ZNF124: variants seen among roughly 807,000 people sequenced by gnomAD.
ZNF124 encodes the protein zinc finger protein 124.
ZNF124 carries 25 observed loss-of-function variants against 26.6 expected under a neutral mutation model. The ratio of observed to expected loss-of-function variants is 0.94; its 90% CI spans 0.68 to 1.31. The LOEUF is 1.31. Among genes scored for constraint, ZNF124 ranks in the 40% most tolerant of loss-of-function variants. The pLI, the probability that ZNF124 is intolerant of heterozygous loss-of-function variation, is 0.00. For synonymous variants in ZNF124, 129 were observed against 133.3 expected (o/e 0.97, Z 0.22); for missense variants, 444 against 422.2 (o/e 1.05, Z -0.45).
chr1:247,125,622 G>T (rs1470701902), intron 3 of ZNF124, among the ~76,000 whole-genome samples: 1 of 151,692 alleles, frequency 6.6e-6, no homozygotes, highest in Non-Finnish European at 1.5e-5. Flanking sequence ...AGTAGAGACG[G>T]GGTTTCACCA....
At chr1:247,136,004 A>G (rs1672472886) in intron 3 of ZNF124, among the ~76,000 whole-genome samples, 1 of 152,172 alleles carries the variant, frequency 6.6e-6, no homozygotes, top group Non-Finnish European at 1.5e-5. Context: ...CTCTCAATCA[A>G]CGAGGTATTG....
At chr1:247,170,471 G>A (rs4925588) in intron 1 of ZNF124, among the ~76,000 whole-genome samples, 41,723 of 138,680 alleles carry the variant, frequency 0.3, 7,001 homozygotes, top group African/African-American at 0.42. Context: ...TTACATTTGG[G>A]AAATGCAGGG....
chr1:247,157,290 C>G lies in ZNF124; in HGVS notation c.332G>C (p.Arg111Thr), dbSNP rs1186049507. ...ATTTCCAGTGTGCATTACTGTGTCT[C>G]TGTGAACCCTTGTGACAGAAAGGGA... ...KTSLSVTRVH[R>T]DTVMHTGNGH... is the part of the protein sequence containing the mutation. Residue 111 changes from arginine (R) to threonine (T), a missense_variant, in exon 4 of 4, where the codon AGA (arginine) becomes ACA (threonine). Transcript: ENST00000543802. 6.2e-7 allele frequency: 1 copy of G among 1,607,498 alleles called. No individual in the cohort carries two copies. Among genetic ancestry groups the G allele is most frequent in the Non-Finnish European group, 8.5e-7 (1 of 1,176,192 alleles).
At chr1:247,127,583 A>G (rs892286774) in intron 3 of ZNF124, among the ~76,000 whole-genome samples, 2,874 of 139,624 alleles carry the variant, frequency 0.021, 1 homozygote, top group African/African-American at 0.072. Context: ...CTGGTTACAG[A>G]TTGACCCTTG....
intron 3 of ZNF124, among the ~76,000 whole-genome samples, chr1:247,145,021 G>A (rs896724654): frequency 2.0e-5 from 3 of 152,198 alleles, no homozygotes; most frequent in East Asian, 3.9e-4. Flanking sequence ...TGATCCACCC[G>A]CCTCGGCCTC....
chr1:247,141,696 T>C (rs1474557763), intron 3 of ZNF124, among the ~76,000 whole-genome samples: 8 of 152,230 alleles, frequency 5.3e-5, no homozygotes, highest in African/African-American at 1.4e-4. Context: ...TCTGTGTTCA[T>C]GAGCTGGGGG....
intron 3 of ZNF124, among the ~76,000 whole-genome samples, chr1:247,125,868 C>G (rs1265907828): frequency 6.6e-6 from 1 of 152,038 alleles, no homozygotes; most frequent in African/African-American, 2.4e-5. Context: ...TTAATTAGTC[C>G]AAGTAAAATA....
intron 3 of ZNF124, among the ~76,000 whole-genome samples, chr1:247,145,883 A>G (rs914037041): frequency 6.6e-6 from 1 of 152,132 alleles, no homozygotes; most frequent in Non-Finnish European, 1.5e-5. Context: ...TCAGCCTCCC[A>G]AAGTGCTGGG....
chr1:247,165,231 G>A (rs892849013), intron 1 of ZNF124, among the ~76,000 whole-genome samples: 1 of 152,282 alleles, frequency 6.6e-6, no homozygotes, highest in East Asian at 1.9e-4. Flanking sequence ...CTCCCAAAGT[G>A]CTGGGATTAC....
chr1:247,160,738 C>A (rs1361058269), intron 1 of ZNF124, among the ~76,000 whole-genome samples: 1 of 152,158 alleles, frequency 6.6e-6, no homozygotes, highest in East Asian at 1.9e-4. Flanking sequence ...ATCTGATGAG[C>A]TTCCCTGGTA....
Position 247,155,889 on chromosome 1 carries a change from T to C in ZNF124, c.*677A>G, listed in dbSNP as rs1388713481. 1 of 520,714 alleles carries C rather than the reference T, an allele frequency of 1.9e-6. No homozygotes were observed. The highest frequency in any genetic ancestry group is 2.3e-6 in the Non-Finnish European group (1 of 427,426). 32.3% of individuals were successfully genotyped at this position (520,714 alleles called of 1,614,324 possible). ...AAAAAAAAAAAAAGTCTCACCTCAA[T>C]TTTTTTTTTTTCAAAAGAAGTGAAA... On this transcript the variant is annotated 3_prime_UTR_variant, in exon 4 of 4. Coordinates refer to ENST00000543802, the MANE Select transcript of ZNF124 (RefSeq NM_001297568.2).
chr1:247,159,731 T>C lies in ZNF124; in HGVS notation c.113A>G (p.Tyr38Cys), dbSNP rs574043034. 10 of 1,613,718 alleles carry C rather than the reference T, an allele frequency of 6.2e-6. No homozygotes were observed. Among genetic ancestry groups the C allele is most frequent in the Admixed American group, 1.7e-5 (1 of 59,906 alleles). The change falls in exon 2 of 4, where the codon TAT (tyrosine) becomes TGT (cysteine). Residue 38 changes from tyrosine (Y) to cysteine (C), a missense_variant. Physicochemically the swap from Tyr to Cys is radical, Grantham distance 194 (BLOSUM62 -2). Coordinates refer to ENST00000543802, the MANE Select transcript of ZNF124 (RefSeq NM_001297568.2). ...GAAGGTTTCCTGCATCACGTCTCTATAGAGATTCTTCTGGGAAGGATCCAA... is the reference window on the plus strand; with the variant it reads ...GAAGGTTTCCTGCATCACGTCTCTACAGAGATTCTTCTGGGAAGGATCCAA... ...ALLDPSQKNL[Y>C]RDVMQETFRN...
chr1:247,168,126 C>T lies in ZNF124; in HGVS notation c.30+3722G>A, dbSNP rs963147332. On this transcript the variant is annotated intron_variant, in intron 1 of 3. Coordinates refer to ENST00000543802, the MANE Select transcript of ZNF124 (RefSeq NM_001297568.2). This position sits in a 1 kb window ranked among gnomAD's most constrained non-coding sequence, Gnocchi z 4.0. ...TGATGGGAGTGTCAACTAGTACAAC[C>T]GCCATGGAAAACAGTATGAAGATTC... is the stretch of plus-strand genomic sequence containing the variant. 3.3e-5 allele frequency among the ~76,000 whole-genome samples: 5 copies of T among 152,068 alleles called. No homozygotes were observed. The highest frequency in any genetic ancestry group is 7.4e-5 in the Non-Finnish European group (5 of 68,020).
chr1:247,138,586 G>T, intron 3 of ZNF124: 1 of 391,374 alleles, frequency 2.6e-6, no homozygotes, highest in Non-Finnish European at 4.5e-6. Context: ...GTTTTCGTTT[G>T]TTTTAGAAGA....
chr1:247,132,072 C>T (rs1470946182), intron 3 of ZNF124, among the ~76,000 whole-genome samples: 1 of 152,144 alleles, frequency 6.6e-6, no homozygotes, highest in Non-Finnish European at 1.5e-5. Context: ...GAAGGAGGAG[C>T]AGGCACCCAT....
At chr1:247,157,750 T>C (rs980829063) in intron 3 of ZNF124, among the ~76,000 whole-genome samples, 3 of 152,162 alleles carry the variant, frequency 2.0e-5, no homozygotes, top group African/African-American at 7.2e-5. Context: ...AATACAGTAA[T>C]ATTCTCATAT....
At chr1:247,164,841 T>C (rs1203055419) in intron 1 of ZNF124, among the ~76,000 whole-genome samples, 3 of 152,200 alleles carry the variant, frequency 2.0e-5, no homozygotes, top group Non-Finnish European at 4.4e-5. Context: ...GGCATCATAT[T>C]AACCAACTTC....
chr1:247,154,684 A>T (rs575591772), downstream of ZNF124, among the ~76,000 whole-genome samples: 2 of 152,282 alleles, frequency 1.3e-5, no homozygotes, highest in South Asian at 4.1e-4. Flanking sequence ...CCCCCAAAAA[A>T]GCAATGTTGT....
chr1:247,168,220 AAAG>A lies in ZNF124; in HGVS notation c.30+3625_30+3627del, dbSNP rs1360137483. Among the ~76,000 whole-genome samples, 6 of 152,226 alleles carry A rather than the reference AAAG, an allele frequency of 3.9e-5. No individual in the cohort carries two copies. Among genetic ancestry groups the A allele is most frequent in the African/African-American group, 1.2e-4 (5 of 41,450 alleles). On this transcript the variant is annotated intron_variant, in intron 1 of 3. Transcript: ENST00000543802. The surrounding 1 kb of genome is among the most constrained non-coding windows in gnomAD (Gnocchi z 4.0). ...CACTACTGGGTATGTACCCAAAGGA[AAAG>A]AAGTCATTATATGAAAAAAACACGG...
Sources: allele counts gnomAD v4.1 joint callset (sites outside exome capture counted in the v4.1 genomes callset), GRCh38; gene constraint gnomAD v4.1.1; non-coding constraint Gnocchi (gnomAD v3.1); transcripts MANE v1.5; gene names NCBI Gene and HGNC (gene_info 2026-07-23, HGNC 2026-07-21).